The following VPS35L variants were observed in gnomAD, a reference collection of about 807,000 sequenced individuals.
VPS35L encodes the protein VPS35 endosomal protein-sorting factor-like.
A neutral mutation model predicts 133.0 loss-of-function variants in VPS35L; 83 were observed. The ratio of observed to expected loss-of-function variants is 0.62; its 90% CI spans 0.52 to 0.75. The LOEUF (loss-of-function observed/expected upper bound fraction) is 0.75, where lower values mean the gene tolerates loss of function less well. Ranked by LOEUF, VPS35L falls within the 30% of genes least tolerant of loss-of-function variation. The pLI is 0.00. For synonymous variants in VPS35L, 423 were observed against 449.9 expected, an observed-to-expected ratio of 0.94 and a Z score of 0.76; for missense variants, 1,083 against 1,206.8, an observed-to-expected ratio of 0.90 and a Z score of 1.52.
At chr16:19,653,612 G>T (rs770845239) in intron 26 of VPS35L, among the ~76,000 whole-genome samples, 1 of 152,240 alleles carries the variant, frequency 6.6e-6, no homozygotes, top group African/African-American at 2.4e-5. Context: ...GAATGCCGGG[G>T]CAGTTCCATA....
intron 2 of VPS35L, among the ~76,000 whole-genome samples, chr16:19,568,351 G>C (rs1478911214): frequency 1.3e-5 from 2 of 150,188 alleles, no homozygotes; most frequent in Non-Finnish European, 3.0e-5. Context: ...CCCAGCTGGA[G>C]TGCAATGGCA....
intron 5 of VPS35L, among the ~76,000 whole-genome samples, chr16:19,576,193 A>AAAAAAC: frequency 6.8e-6 from 1 of 146,692 alleles, no homozygotes. Flanking sequence ...AAAAAAAAAA[A>AAAAAAC]CAAAGAGGTT....
At chr16:19,660,053 C>T (rs571816662) in intron 26 of VPS35L, among the ~76,000 whole-genome samples, 6 of 152,220 alleles carry the variant, frequency 3.9e-5, no homozygotes, top group South Asian at 2.1e-4. Flanking sequence ...TGGCCGGGCA[C>T]GGTGGCTCAC....
In VPS35L at chr16:19,610,503, C is replaced by T. The variant is rs577581497; in HGVS notation, c.1023+88C>T. On this transcript the variant is annotated intron_variant, in intron 12 of 30. Transcript: ENST00000417362. ...ACAGGGCCCTCCTTCCCCACCACCC[C>T]GCAAGTCATTGAGAGAAGGACTTTA... 125 of 944,080 alleles carry T rather than the reference C, an allele frequency of 1.3e-4. 1 individual carries two copies. The highest frequency in any genetic ancestry group is 1.2e-3 in the Middle Eastern group (4 of 3,468). The allele number at this position is 944,080 out of a possible 1,614,324, so 58.5% of individuals were successfully genotyped here.
chr16:19,603,895 C>G (rs939293392), intron 9 of VPS35L, among the ~76,000 whole-genome samples: 1 of 152,104 alleles, frequency 6.6e-6, no homozygotes, highest in Non-Finnish European at 1.5e-5. Flanking sequence ...CCACACCCAG[C>G]TAATTTTTGT....
chr16:19,570,883 A>ATTTTTTTTT (rs1366924758), intron 3 of VPS35L, among the ~76,000 whole-genome samples: 22 of 67,756 alleles, frequency 3.2e-4, no homozygotes, highest in African/African-American at 1.6e-3. Context: ...ATATATATAT[A>ATTTTTTTTT]TATATATTTT....
At chr16:19,624,445 C>T (rs1331396969) in intron 14 of VPS35L, among the ~76,000 whole-genome samples, 2 of 151,888 alleles carry the variant, frequency 1.3e-5, no homozygotes, top group East Asian at 3.9e-4. Flanking sequence ...ATTAGCCAGG[C>T]ATGATGGCAC....
intron 24 of VPS35L, among the ~76,000 whole-genome samples, chr16:19,648,094 A>G (rs1597393057): frequency 6.6e-6 from 1 of 152,034 alleles, no homozygotes; most frequent in East Asian, 1.9e-4. Flanking sequence ...AGCTGGGACT[A>G]CCAGCTCAAG....
intron 8 of VPS35L, among the ~76,000 whole-genome samples, chr16:19,601,103 A>G (rs1249158360): frequency 6.6e-6 from 1 of 151,810 alleles, no homozygotes; most frequent in Non-Finnish European, 1.5e-5. Flanking sequence ...TAATTTTTAA[A>G]TTTTTTGTAC....
intron 8 of VPS35L, among the ~76,000 whole-genome samples, chr16:19,593,917 C>CA (rs776234597): frequency 0.035 from 4,377 of 123,718 alleles, 177 homozygotes; most frequent in African/African-American, 0.11. Context: ...ACTCCGTCTC[C>CA]AAAAAAAAAA....
chr16:19,678,805 T>TA (rs1358599251), intron 27 of VPS35L, among the ~76,000 whole-genome samples: 2 of 151,974 alleles, frequency 1.3e-5, no homozygotes, highest in African/African-American at 4.8e-5. Flanking sequence ...AAAAAAAAGT[T>TA]ACAACCACTG....
rs1973661985 is a variant in VPS35L, at chr16:19,637,615, G to C, written c.1657G>C (p.Val553Leu). ...ACAGCTTCAGTTAATAATTAAGAAA[G>C]TTATTGCCCACTTCCATGACTTCTC... is the stretch of plus-strand genomic sequence containing the variant. ...YPQLQLIIKK[V>L]IAHFHDFSVL... The change falls in exon 20 of 31, where the codon GTT (valine) becomes CTT (leucine). Residue 553 changes from valine to leucine, a missense_variant. Physicochemically the swap from Val to Leu is conservative, Grantham distance 32. Transcript: ENST00000417362. 1 of 1,567,190 alleles carries C rather than the reference G, an allele frequency of 6.4e-7. No homozygotes were observed. Among genetic ancestry groups the C allele is most frequent in the Non-Finnish European group, 8.7e-7 (1 of 1,151,692 alleles).
Position 19,573,123 on chromosome 16 carries a change from G to A in VPS35L, c.290G>A (p.Ser97Asn), listed in dbSNP as rs139739334. 3.1e-4 allele frequency: 493 copies of A among 1,613,312 alleles called. No individual in the cohort carries two copies. Among genetic ancestry groups the A allele is most frequent in the Admixed American group, 6.8e-4 (41 of 59,928 alleles). ...DPAALAAAMD[S>N]SRRKRDRDDN... ...GATTATCTTGCCTTTCTTTAGGACA[G>A]CTCCAGAAGGAAACGTGATAGAGAT... Residue 97 changes from serine (S) to asparagine (N), a missense_variant, in exon 4 of 31, where the codon AGC (serine) becomes AAC (asparagine). Transcript: ENST00000417362.
chr16:19,585,900 A>AT (rs959841774), intron 7 of VPS35L, among the ~76,000 whole-genome samples: 7 of 151,284 alleles, frequency 4.6e-5, no homozygotes, highest in Admixed American at 4.0e-4. Flanking sequence ...AGTTGTAACA[A>AT]TTTTTTTTTC....
chr16:19,586,163 G>T (rs1022474599), intron 7 of VPS35L, among the ~76,000 whole-genome samples: 1 of 152,166 alleles, frequency 6.6e-6, no homozygotes, highest in African/African-American at 2.4e-5. Flanking sequence ...GCCTCCCAAA[G>T]TGCTAGGATT....
intron 27 of VPS35L, 42 bp from the exon 28 acceptor site, chr16:19,682,183 T>G (rs1397551292): frequency 6.3e-7 from 1 of 1,596,572 alleles, no homozygotes; most frequent in Non-Finnish European, 8.6e-7. Flanking sequence ...CCTCCCTGCT[T>G]CATCTTTGGG....
intron 4 of VPS35L, chr16:19,573,445 T>A: frequency 2.0e-6 from 1 of 504,516 alleles, no homozygotes; most frequent in South Asian, 2.5e-5. Context: ...CAAAAAAAAA[T>A]GTTAAGGATC....
intron 23 of VPS35L, among the ~76,000 whole-genome samples, chr16:19,645,247 G>C (rs1973904091): frequency 1.3e-5 from 2 of 151,838 alleles, no homozygotes; most frequent in Admixed American, 1.3e-4. Flanking sequence ...CCGGGCTCAG[G>C]GTCTCCGGGA....
At chr16:19,645,178 A>G (rs1973901878) in intron 23 of VPS35L, among the ~76,000 whole-genome samples, 2 of 151,026 alleles carry the variant, frequency 1.3e-5, no homozygotes, top group Non-Finnish European at 2.9e-5. Flanking sequence ...TGATGGGAGG[A>G]GGGATTTCTT....
Sources: gnomAD v4.1 joint callset for allele counts (sites outside exome capture counted in the v4.1 genomes callset) on GRCh38, gnomAD v4.1.1 for gene constraint, MANE v1.5 for transcripts, NCBI Gene and HGNC (gene_info 2026-07-23, HGNC 2026-07-21) for gene names.